Variants in STX17 observed in about 807,000 individuals in gnomAD.
The protein encoded by STX17 is syntaxin 17.
A neutral mutation model predicts 35.9 loss-of-function variants in STX17; 29 were observed. That is an observed-to-expected ratio of 0.81 (90% confidence interval 0.60 to 1.10). STX17 has a LOEUF of 1.10. Among genes scored for constraint, STX17 ranks in the 50% least tolerant of loss-of-function variants. The pLI, the probability that STX17 is intolerant of heterozygous loss-of-function variation, is 0.00. For synonymous variants in STX17, 92 were observed against 118.3 expected, an observed-to-expected ratio of 0.78 and a Z score of 1.44; for missense variants, 312 against 352.3, an observed-to-expected ratio of 0.89 and a Z score of 0.92.
At chr9:99,942,982 C>G (rs1829397107) in intron 3 of STX17, among the ~76,000 whole-genome samples, 1 of 152,180 alleles carries the variant, frequency 6.6e-6, no homozygotes, top group Non-Finnish European at 1.5e-5. Context: ...TCCTTCTTCA[C>G]AAGTGATTTG....
chr9:99,970,769 C>T lies in STX17; in HGVS notation c.*2096C>T, dbSNP rs1196066722. Among the ~76,000 whole-genome samples the T allele has an allele frequency of 2.6e-5, 4 of 152,228 alleles. No homozygotes were observed. The highest frequency in any genetic ancestry group is 5.9e-5 in the Non-Finnish European group (4 of 68,036). Reference sequence around the variant, plus strand: ...ACTCTTCCATCCCAAATTGGCTATCCTTTCAGCCCACCAACTTAGCGGCAG... The same window carrying T: ...ACTCTTCCATCCCAAATTGGCTATCTTTTCAGCCCACCAACTTAGCGGCAG... On this transcript the variant is annotated 3_prime_UTR_variant, in exon 8 of 8. Transcript: ENST00000259400.
At chr9:99,957,407 CT>C (rs1420890197) in intron 4 of STX17, among the ~76,000 whole-genome samples, 2 of 152,040 alleles carry the variant, frequency 1.3e-5, no homozygotes, top group African/African-American at 4.8e-5. Flanking sequence ...ATACAAATTC[CT>C]TGAGAGAATG....
intron 4 of STX17, among the ~76,000 whole-genome samples, chr9:99,958,308 C>G (rs1394709546): frequency 2.0e-5 from 3 of 152,198 alleles, no homozygotes; most frequent in Admixed American, 6.5e-5. Flanking sequence ...CTCCCTTCCA[C>G]AAGTCTAGGT....
chr9:99,958,353 A>T (rs1392266120), intron 4 of STX17, among the ~76,000 whole-genome samples: 1 of 152,164 alleles, frequency 6.6e-6, no homozygotes, highest in Non-Finnish European at 1.5e-5. Context: ...GTAGCACTCT[A>T]TACTTACCAG....
At chr9:99,945,397 A>C (rs1352699451) in intron 3 of STX17, among the ~76,000 whole-genome samples, 4 of 152,184 alleles carry the variant, frequency 2.6e-5, no homozygotes, top group Non-Finnish European at 4.4e-5. Context: ...TGTTTTTTCT[A>C]ATATTGCCGC....
At chr9:99,914,648 T>G (rs887488428) in intron 1 of STX17, among the ~76,000 whole-genome samples, 1 of 152,208 alleles carries the variant, frequency 6.6e-6, no homozygotes, top group African/African-American at 2.4e-5. Flanking sequence ...AAAAGTTGCA[T>G]ATTATGTTAT....
chr9:99,944,218 T>A (rs1829429638), intron 3 of STX17, among the ~76,000 whole-genome samples: 3 of 152,034 alleles, frequency 2.0e-5, no homozygotes, highest in Admixed American at 2.0e-4. Flanking sequence ...TCAATGAGGT[T>A]TATCAATTTT....
chr9:99,910,884 CT>C (rs893918772), intron 1 of STX17, among the ~76,000 whole-genome samples: 19 of 152,196 alleles, frequency 1.2e-4, no homozygotes, highest in South Asian at 6.2e-4. Context: ...TTTTTTCCCC[CT>C]TTTTATTTAG....
intron 2 of STX17, among the ~76,000 whole-genome samples, chr9:99,926,681 G>T (rs1266827039): frequency 6.6e-6 from 1 of 152,064 alleles, no homozygotes; most frequent in Non-Finnish European, 1.5e-5. Flanking sequence ...TGTATTTTTA[G>T]TAGAGACGGG....
rs574191381 is a variant in STX17, at chr9:99,930,998, A to G, written c.189+2155A>G. 2.0e-5 allele frequency among the ~76,000 whole-genome samples: 3 copies of G among 152,126 alleles called. No homozygotes were observed. In the South Asian group the frequency reaches 6.2e-4, roughly 32 times the overall value. ...TTTGTTTTGTTTTTCGTTTTTTGAG[A>G]TGGAGTCTCGCTCTTTCGCCCAGGC... is the stretch of plus-strand genomic sequence containing the variant. On this transcript the variant is annotated intron_variant, in intron 3 of 7. Coordinates refer to ENST00000259400, the MANE Select transcript of STX17 (RefSeq NM_017919.3).
In STX17 at chr9:99,951,109, G is replaced by A. The variant is rs143793325; in HGVS notation, c.239G>A (p.Arg80Gln). ...REIEKLCLKV[R>Q]KDDLVLLKRM... ...ATTGAGAAACTTTGTTTGAAAGTCC[G>A]AAAGGATGACCTAGTACTTCTGAAG... is the stretch of plus-strand genomic sequence containing the variant. The change falls in exon 4 of 8, where the codon CGA (arginine) becomes CAA (glutamine). Residue 80 changes from arginine (R) to glutamine (Q), a missense_variant. By Grantham distance (43) the Arg-to-Gln change is conservative. Coordinates refer to ENST00000259400, the MANE Select transcript of STX17 (RefSeq NM_017919.3). 1.8e-4 allele frequency: 292 copies of A among 1,612,126 alleles called. No individual in the cohort carries two copies. The highest frequency in any genetic ancestry group is 2.3e-4 in the Non-Finnish European group (272 of 1,178,790).
At chr9:99,940,005 T>A (rs1554700281) in intron 3 of STX17, among the ~76,000 whole-genome samples, 1 of 152,242 alleles carries the variant, frequency 6.6e-6, no homozygotes, top group Non-Finnish European at 1.5e-5. Flanking sequence ...CTAACTTTAC[T>A]TACAAGATTC....
intron 6 of STX17, among the ~76,000 whole-genome samples, chr9:99,964,071 TACA>T (rs59790700): frequency 0.69 from 104,177 of 151,508 alleles, 36,079 homozygotes; most frequent in African/African-American, 0.72. Context: ...CCTTAAACTT[TACA>T]ACTACTATCA....
intron 3 of STX17, among the ~76,000 whole-genome samples, chr9:99,931,544 A>G (rs987835067): frequency 6.1e-5 from 9 of 147,766 alleles, no homozygotes; most frequent in African/African-American, 2.3e-4. Context: ...TTCAGAGGCT[A>G]TGTCTGGCCT....
At chr9:99,946,156 T>A (rs1388641580) in intron 3 of STX17, among the ~76,000 whole-genome samples, 1 of 152,142 alleles carries the variant, frequency 6.6e-6, no homozygotes, top group African/African-American at 2.4e-5. Flanking sequence ...TTGTCACTGT[T>A]CTCTATAAAA....
intron 2 of STX17, among the ~76,000 whole-genome samples, chr9:99,917,647 T>C (rs114029933): frequency 1.2e-4 from 19 of 152,354 alleles, no homozygotes; most frequent in Middle Eastern, 3.4e-3. Flanking sequence ...TAAACTTGAT[T>C]AGAATGTAAT....
rs1451115027 is a variant in STX17, at chr9:99,968,467, G to A, written c.703G>A (p.Ala235Thr). 1 of 1,563,854 alleles carries A rather than the reference G, an allele frequency of 6.4e-7. No homozygotes were observed. The highest frequency in any genetic ancestry group is 1.2e-5 in the South Asian group (1 of 83,228). ...AKYKLAALPV[A>T]GALIGGMVGG... is the part of the protein sequence containing the mutation. Reference sequence around the variant, plus strand: ...ATACAAGCTGGCAGCTCTGCCTGTGGCAGGTGCACTCATCGGGGGAATGGT... The same window carrying A: ...ATACAAGCTGGCAGCTCTGCCTGTGACAGGTGCACTCATCGGGGGAATGGT... The change falls in exon 8 of 8, where the codon GCA (alanine) becomes ACA (threonine). Residue 235 changes from alanine to threonine, a missense_variant. Transcript: ENST00000259400.
chr9:99,937,632 CT>C (rs1177003234), intron 3 of STX17, among the ~76,000 whole-genome samples: 1 of 152,044 alleles, frequency 6.6e-6, no homozygotes, highest in African/African-American at 2.4e-5. Flanking sequence ...CTCTAATTAA[CT>C]TTTTGAACAC....
chr9:99,933,609 G>C (rs1829169618), intron 3 of STX17, among the ~76,000 whole-genome samples: 2 of 151,960 alleles, frequency 1.3e-5, no homozygotes, highest in African/African-American at 4.8e-5. Context: ...TTGCGTACAG[G>C]TTGTGGTACA....
Sources: gnomAD v4.1 joint callset for allele counts (sites outside exome capture counted in the v4.1 genomes callset) on GRCh38, gnomAD v4.1.1 for gene constraint, MANE v1.5 for transcripts, NCBI Gene and HGNC (gene_info 2026-07-23, HGNC 2026-07-21) for gene names.